GRID2: variants seen among roughly 807,000 people sequenced by gnomAD.
GRID2 encodes the protein glutamate receptor ionotropic, delta-2.
GRID2 carries 33 observed loss-of-function variants against 114.8 expected under a neutral mutation model. That is an observed-to-expected ratio of 0.29 (90% CI 0.22 to 0.38). GRID2 has a LOEUF of 0.38. GRID2 is among the 10% of genes least tolerant of loss of function. The pLI, the probability that GRID2 is intolerant of heterozygous loss-of-function variation, is 1.00. For synonymous variants in GRID2, 505 were observed against 449.9 expected (o/e 1.12, Z -1.55); for missense variants, 1,184 against 1,257.7 (o/e 0.94, Z 0.89).
At chr4:92,366,382 A>G (rs1728866700) in intron 1 of GRID2, among the ~76,000 whole-genome samples, 1 of 151,900 alleles carries the variant, frequency 6.6e-6, no homozygotes, top group South Asian at 2.1e-4. Flanking sequence ...AATTATCTAA[A>G]CCTATTTTGT....
At chr4:92,925,013 G>T (rs1318143918) in intron 2 of GRID2, among the ~76,000 whole-genome samples, 1 of 152,070 alleles carries the variant, frequency 6.6e-6, no homozygotes, top group Non-Finnish European at 1.5e-5. Context: ...CCCTCTTTAA[G>T]AGTCTTGCCA....
chr4:92,758,275 C>T (rs1737827974), intron 2 of GRID2, among the ~76,000 whole-genome samples: 1 of 151,960 alleles, frequency 6.6e-6, no homozygotes, highest in African/African-American at 2.4e-5. Context: ...AAAATTGTCT[C>T]AAGGAATGAA....
In GRID2 at chr4:93,678,723, G is replaced by A. The variant is rs369490243; in HGVS notation, c.2360+52288G>A. The stretch of plus-strand genomic sequence containing the variant: ...AATAAAATACTTTACAGACAAGCAA[G>A]TGCTGAGAGATTTTGTCACCAACAG... On this transcript the variant is annotated intron_variant, in intron 14 of 15. Coordinates refer to ENST00000282020, the MANE Select transcript of GRID2 (RefSeq NM_001510.4). 4.0e-5 allele frequency among the ~76,000 whole-genome samples: 6 copies of A among 151,292 alleles called. No homozygotes were observed. The South Asian group carries it at 8.3e-4, about 21-fold the overall frequency.
chr4:93,727,016 C>T (rs1287042771), intron 14 of GRID2, among the ~76,000 whole-genome samples: 2 of 152,184 alleles, frequency 1.3e-5, no homozygotes, highest in Non-Finnish European at 2.9e-5. Flanking sequence ...GAACTTCCAA[C>T]ACTATGTTGA....
At chr4:92,919,666 G>A (rs1282552693) in intron 2 of GRID2, among the ~76,000 whole-genome samples, 1 of 152,200 alleles carries the variant, frequency 6.6e-6, no homozygotes, top group East Asian at 1.9e-4. Context: ...GCGGTTTTGA[G>A]TGAGTTTCTT....
chr4:93,009,912 C>T (rs1304734896), intron 2 of GRID2, among the ~76,000 whole-genome samples: 1 of 152,040 alleles, frequency 6.6e-6, no homozygotes, highest in Non-Finnish European at 1.5e-5. Context: ...TTCTCAAGTG[C>T]TTTACCTTTA....
At chr4:93,205,445 A>C (rs1264262515) in intron 4 of GRID2, among the ~76,000 whole-genome samples, 1 of 152,046 alleles carries the variant, frequency 6.6e-6, no homozygotes, top group Non-Finnish European at 1.5e-5. Flanking sequence ...GCTGAGAATG[A>C]TGGTTTCCAG....
chr4:93,677,600 A>G (rs1440087405), intron 14 of GRID2, among the ~76,000 whole-genome samples: 1 of 152,134 alleles, frequency 6.6e-6, no homozygotes, highest in Non-Finnish European at 1.5e-5. Context: ...AGGAACCATC[A>G]GACAGCAGCA....
At chr4:92,835,112 A>C (rs1206801798) in intron 2 of GRID2, among the ~76,000 whole-genome samples, 1 of 152,046 alleles carries the variant, frequency 6.6e-6, no homozygotes, top group Non-Finnish European at 1.5e-5. Flanking sequence ...GGCAGTGCTC[A>C]ATGGAAAGTA....
intron 12 of GRID2, among the ~76,000 whole-genome samples, chr4:93,503,122 T>G (rs1049113658): frequency 6.6e-6 from 1 of 152,124 alleles, no homozygotes; most frequent in African/African-American, 2.4e-5. Context: ...ATAATTTCTC[T>G]GAATCATTCT....
At chr4:93,541,645 G>A (rs1410587652) in intron 13 of GRID2, among the ~76,000 whole-genome samples, 2 of 152,160 alleles carry the variant, frequency 1.3e-5, no homozygotes, top group African/African-American at 2.4e-5. Context: ...TGCAGGGGCA[G>A]CCTTGTGAGC....
At chr4:93,412,833 G>A (rs1048020750) in intron 9 of GRID2, among the ~76,000 whole-genome samples, 1 of 152,134 alleles carries the variant, frequency 6.6e-6, no homozygotes, top group African/African-American at 2.4e-5. Context: ...ACTTATGAGT[G>A]AGAACATGAA....
At chr4:93,522,567 G>A (rs1199316385) in intron 13 of GRID2, among the ~76,000 whole-genome samples, 1 of 151,778 alleles carries the variant, frequency 6.6e-6, no homozygotes, top group Non-Finnish European at 1.5e-5. Flanking sequence ...AAGAGCACAT[G>A]CAAAAAAAAC....
At chr4:92,376,981 C>T (rs2110229284) in intron 1 of GRID2, among the ~76,000 whole-genome samples, 1 of 152,228 alleles carries the variant, frequency 6.6e-6, no homozygotes, top group Middle Eastern at 3.4e-3. Context: ...GCTGTGACAA[C>T]CTCTGAAAAG....
chr4:93,492,240 C>G (rs920148913), intron 12 of GRID2, among the ~76,000 whole-genome samples: 3 of 151,774 alleles, frequency 2.0e-5, no homozygotes, highest in Non-Finnish European at 4.4e-5. Flanking sequence ...TTACAAAAAG[C>G]CAGATTTTGT....
chr4:93,669,713 G>A (rs1724240962), intron 14 of GRID2, among the ~76,000 whole-genome samples: 2 of 152,046 alleles, frequency 1.3e-5, no homozygotes, highest in Admixed American at 1.3e-4. Context: ...AGAGATGGAT[G>A]GGGGAACTGC....
chr4:93,102,065 A>G (rs551902180), intron 3 of GRID2, among the ~76,000 whole-genome samples: 2 of 152,326 alleles, frequency 1.3e-5, no homozygotes, highest in East Asian at 3.9e-4. Flanking sequence ...AAAATGTATT[A>G]ATCAAGACCC....
intron 2 of GRID2, among the ~76,000 whole-genome samples, chr4:92,774,067 C>T (rs778868718): frequency 5.3e-4 from 81 of 152,106 alleles, no homozygotes; most frequent in African/African-American, 1.4e-3. Flanking sequence ...ATTTTAGTTG[C>T]ATAGTGCTAT....
At chr4:92,897,067 T>G (rs1241466918) in intron 2 of GRID2, among the ~76,000 whole-genome samples, 1 of 152,104 alleles carries the variant, frequency 6.6e-6, no homozygotes, top group Admixed American at 6.6e-5. Context: ...ATTATGACCC[T>G]CCTGTTTGCT....
Sources: gnomAD v4.1 joint callset for allele counts (sites outside exome capture counted in the v4.1 genomes callset) on GRCh38, gnomAD v4.1.1 for gene constraint, MANE v1.5 for transcripts, NCBI Gene and HGNC (gene_info 2026-07-23, HGNC 2026-07-21) for gene names.